TRIM69: variants seen among roughly 807,000 people sequenced by gnomAD.
The protein encoded by TRIM69 is E3 ubiquitin-protein ligase TRIM69.
Under a neutral mutation model 37.7 loss-of-function variants are expected in TRIM69, and 29 were observed. The ratio of observed to expected loss-of-function variants is 0.77; its 90% CI spans 0.57 to 1.05. The LOEUF is 1.05. Ranked by LOEUF, TRIM69 falls within the 50% of genes least tolerant of loss-of-function variation. The probability of loss-of-function intolerance (pLI) is 0.00; values close to 1 mark genes in which losing one functional copy is unlikely to be tolerated. For missense variants in TRIM69, 596 were observed against 579.9 expected, an observed-to-expected ratio of 1.03 and a Z score of -0.28; for synonymous variants, 209 against 212.4, an observed-to-expected ratio of 0.98 and a Z score of 0.14.
At chr15:44,764,647 A>C (rs1310981292) in intron 6 of TRIM69, among the ~76,000 whole-genome samples, 2 of 152,238 alleles carry the variant, frequency 1.3e-5, no homozygotes, top group African/African-American at 4.8e-5. Flanking sequence ...TGCTCCAATA[A>C]AACTTTACTT....
At chr15:44,764,831 A>G (rs1425899871) in intron 6 of TRIM69, among the ~76,000 whole-genome samples, 1 of 152,230 alleles carries the variant, frequency 6.6e-6, no homozygotes, top group Non-Finnish European at 1.5e-5. Context: ...ACCCTGAAGT[A>G]GGAATGATCT....
chr15:44,754,041 T>C (rs971602779), intron 1 of TRIM69: 1 of 152,250 alleles, frequency 6.6e-6, no homozygotes, highest in South Asian at 2.1e-4. Flanking sequence ...TCTGCATTTT[T>C]CTCCTTTCTT....
chr15:44,738,974 A>G (rs542290987), intron 1 of TRIM69, among the ~76,000 whole-genome samples: 1 of 152,354 alleles, frequency 6.6e-6, no homozygotes, highest in South Asian at 2.1e-4. Flanking sequence ...AGATGAATTA[A>G]CCATATAAAA....
Position 44,755,286 on chromosome 15 carries a change from A to G in TRIM69, c.393A>G (p.Lys131=). The part of the protein sequence containing the change: ...NLKLFSKPDG[K]LICFQCKDAR... Reference sequence around the variant, plus strand: ...AACTGTTCAGTAAACCAGATGGGAAACTGATCTGCTTTCAATGCAAGGATG... The same window carrying G: ...AACTGTTCAGTAAACCAGATGGGAAGCTGATCTGCTTTCAATGCAAGGATG... The change falls in exon 2 of 7, where the codon AAA becomes AAG. Residue 131 remains lysine, a synonymous_variant. Transcript: ENST00000329464. 2 of 1,614,176 alleles carry G rather than the reference A, an allele frequency of 1.2e-6. No homozygotes were observed. Among genetic ancestry groups the G allele is most frequent in the East Asian group, 2.2e-5 (1 of 44,888 alleles).
chr15:44,744,464 A>C (rs1409626023), intron 1 of TRIM69, among the ~76,000 whole-genome samples: 1 of 151,946 alleles, frequency 6.6e-6, no homozygotes, highest in Non-Finnish European at 1.5e-5. Flanking sequence ...AATAATAATA[A>C]AAAAAATGGT....
At chr15:44,747,857 T>C (rs1362272054) in intron 1 of TRIM69, among the ~76,000 whole-genome samples, 1 of 152,254 alleles carries the variant, frequency 6.6e-6, no homozygotes, top group Non-Finnish European at 1.5e-5. Flanking sequence ...CAAAGAATGT[T>C]TAGCCATGTT....
At chr15:44,747,309 GA>G (rs1224138171) in intron 1 of TRIM69, among the ~76,000 whole-genome samples, 1 of 152,082 alleles carries the variant, frequency 6.6e-6, no homozygotes, top group African/African-American at 2.4e-5. Flanking sequence ...TGATCATGGG[GA>G]AAAAAGAACC....
intron 1 of TRIM69, among the ~76,000 whole-genome samples, chr15:44,751,128 T>C (rs964882297): frequency 1.3e-5 from 2 of 150,842 alleles, no homozygotes; most frequent in Non-Finnish European, 3.0e-5. Context: ...CTTTTTTTTT[T>C]CTTTTTAGAT....
chr15:44,742,011 C>T (rs1243125487), intron 1 of TRIM69, among the ~76,000 whole-genome samples: 1 of 152,096 alleles, frequency 6.6e-6, no homozygotes, highest in Non-Finnish European at 1.5e-5. Context: ...AGAGACACAA[C>T]CAAAAGAGAG....
At chr15:44,754,780 T>C in intron 1 of TRIM69, 120 bp from the exon 2 acceptor site, 1 of 727,508 alleles carries the variant, frequency 1.4e-6, no homozygotes, top group Non-Finnish European at 2.4e-6. Context: ...AAAGGAGAGA[T>C]TATGTGCTTT....
At chr15:44,756,914 A>G (rs1410739591) in intron 3 of TRIM69, 4 of 153,306 alleles carry the variant, frequency 2.6e-5, no homozygotes, top group Non-Finnish European at 5.8e-5. Flanking sequence ...TGATCTTCTT[A>G]GCTTCCTCCA....
At chr15:44,764,859 C>T (rs2087853164) in intron 6 of TRIM69, among the ~76,000 whole-genome samples, 1 of 152,176 alleles carries the variant, frequency 6.6e-6, no homozygotes, top group Non-Finnish European at 1.5e-5. Flanking sequence ...GTTCAAGGAA[C>T]TGCCAAAAGA....
At chr15:44,736,779 A>C (rs2087171879) in intron 1 of TRIM69, 69 bp downstream of exon 1, 3 of 1,575,544 alleles carry the variant, frequency 1.9e-6, no homozygotes, top group Non-Finnish European at 1.7e-6. Context: ...GGATCATAGA[A>C]GAGGATATGG....
intron 1 of TRIM69, among the ~76,000 whole-genome samples, chr15:44,751,473 C>T (rs1315371686): frequency 6.6e-6 from 1 of 152,086 alleles, no homozygotes; most frequent in Non-Finnish European, 1.5e-5. Flanking sequence ...CTGTGTTGCC[C>T]AGGCTGGTCT....
In TRIM69 at chr15:44,756,433, C is replaced by T. The variant is rs2141139981; in HGVS notation, c.549C>T (p.Asn183=). The change falls in exon 3 of 7, where the codon AAC becomes AAT. Residue 183 remains asparagine, a synonymous_variant. Coordinates refer to ENST00000329464, the MANE Select transcript of TRIM69 (RefSeq NM_182985.5). ...TGAAGGAGCTTCAGACCCTGAGGAACATGCAGAAGGAAGCTATTGCTGCTC... is the reference window on the plus strand; with the variant it reads ...TGAAGGAGCTTCAGACCCTGAGGAATATGCAGAAGGAAGCTATTGCTGCTC... ...TTLKELQTLR[N]MQKEAIAAHK... is the part of the protein sequence containing the mutation. 1 of 1,551,228 alleles carries T rather than the reference C, an allele frequency of 6.4e-7. No homozygotes were observed. Among genetic ancestry groups the T allele is most frequent in the East Asian group, 2.4e-5 (1 of 40,914 alleles).
chr15:44,761,035 A>G (rs2087764039), intron 6 of TRIM69, among the ~76,000 whole-genome samples: 2 of 151,600 alleles, frequency 1.3e-5, no homozygotes, highest in Admixed American at 6.6e-5. Flanking sequence ...CTCCTGCCTC[A>G]GCCTCCCGAG....
chr15:44,748,688 T>C (rs1203262260), intron 1 of TRIM69, among the ~76,000 whole-genome samples: 2 of 151,204 alleles, frequency 1.3e-5, no homozygotes, highest in African/African-American at 2.4e-5. Flanking sequence ...TAGCCAGGCA[T>C]GGTGACGCAT....
intron 4 of TRIM69, among the ~76,000 whole-genome samples, chr15:44,759,167 A>G (rs375279311): frequency 6.6e-6 from 1 of 152,248 alleles, no homozygotes; most frequent in Non-Finnish European, 1.5e-5. Context: ...AAAATGTTGC[A>G]GCCTGAGTTG....
chr15:44,763,423 T>C (rs1353339044), intron 6 of TRIM69, among the ~76,000 whole-genome samples: 3 of 152,228 alleles, frequency 2.0e-5, no homozygotes, highest in African/African-American at 7.2e-5. Context: ...TGATGTTGAC[T>C]TTAATCACCT....
Sources: allele counts gnomAD v4.1 joint callset (sites outside exome capture counted in the v4.1 genomes callset), GRCh38; gene constraint gnomAD v4.1.1; transcripts MANE v1.5; gene names NCBI Gene and HGNC (gene_info 2026-07-23, HGNC 2026-07-21).